Variants in RBFOX1 observed in about 807,000 individuals in gnomAD.
The protein encoded by RBFOX1 is RNA binding fox-1 homolog 1.
RBFOX1 carries 8 observed loss-of-function variants against 57.7 expected under a neutral mutation model. The ratio of observed to expected loss-of-function variants is 0.14; its 90% CI spans 0.08 to 0.25. The LOEUF (loss-of-function observed/expected upper bound fraction) is 0.25. Among genes scored for constraint, RBFOX1 ranks in the 10% least tolerant of loss-of-function variants. The pLI, the probability that RBFOX1 is intolerant of heterozygous loss-of-function variation, is 1.00. For missense variants in RBFOX1, 611 were observed against 548.5 expected (o/e 1.11, Z -1.14); for synonymous variants, 326 against 222.4 (o/e 1.47, Z -4.15).
intron 1 of RBFOX1, among the ~76,000 whole-genome samples, chr16:6,289,035 T>C (rs2077185158): frequency 6.6e-6 from 1 of 152,124 alleles, no homozygotes; most frequent in Admixed American, 6.6e-5. Flanking sequence ...CAGAATGAGC[T>C]TTTATCATTT....
At chr16:6,694,216 C>T (rs2060683247) in intron 3 of RBFOX1, among the ~76,000 whole-genome samples, 1 of 152,148 alleles carries the variant, frequency 6.6e-6, no homozygotes, top group African/African-American at 2.4e-5. Flanking sequence ...TGCATATTGT[C>T]AGTATTCCAC....
At chr16:5,776,556 C>T (rs925562900) in intron 3 of RBFOX1, among the ~76,000 whole-genome samples, 1 of 152,326 alleles carries the variant, frequency 6.6e-6, no homozygotes, top group South Asian at 2.1e-4. Context: ...GTCTGCACCA[C>T]GTACTGTGCT....
At chr16:6,960,463 C>G (rs1419125425) in intron 3 of RBFOX1, among the ~76,000 whole-genome samples, 4 of 152,158 alleles carry the variant, frequency 2.6e-5, no homozygotes, top group Non-Finnish European at 2.9e-5. Flanking sequence ...TCTCCCAGTT[C>G]TCGTGTATGT....
At chr16:6,769,451 C>G (rs576708065) in intron 3 of RBFOX1, among the ~76,000 whole-genome samples, 2 of 152,228 alleles carry the variant, frequency 1.3e-5, no homozygotes, top group African/African-American at 4.8e-5. Context: ...TACATCTCCA[C>G]TGCAACATTC....
Position 6,844,149 on chromosome 16 carries a change from C to G in RBFOX1, c.-16+189499C>G, listed in dbSNP as rs2093637379. On this transcript the variant is annotated intron_variant, in intron 3 of 15. Coordinates refer to ENST00000550418, the MANE Select transcript of RBFOX1 (RefSeq NM_018723.4). ...GCTTTTCTCTCTCTCCATCATTACC[C>G]CTACAGGCCAGTCCCCTTATAGCTT... Among the ~76,000 whole-genome samples the G allele has an allele frequency of 2.6e-5, 4 of 151,142 alleles. No individual in the cohort carries two copies. In the South Asian group the frequency reaches 8.4e-4, roughly 32 times the overall value.
At chr16:6,563,768 G>C (rs2097216452) in intron 2 of RBFOX1, among the ~76,000 whole-genome samples, 1 of 152,092 alleles carries the variant, frequency 6.6e-6, no homozygotes, top group African/African-American at 2.4e-5. Context: ...GGAGGTTGCA[G>C]TGAGCTGAGA....
chr16:6,690,465 T>A (rs2081049164), intron 3 of RBFOX1, among the ~76,000 whole-genome samples: 1 of 152,036 alleles, frequency 6.6e-6, no homozygotes, highest in African/African-American at 2.4e-5. Flanking sequence ...CTACTATAGT[T>A]TAACATTAAA....
At chr16:7,315,089 C>G (rs974247342) in intron 4 of RBFOX1, among the ~76,000 whole-genome samples, 1 of 47,712 alleles carries the variant, frequency 2.1e-5, no homozygotes. Flanking sequence ...CAGAGAAAAG[C>G]TCTTTTTTTT....
At chr16:6,866,725 G>T (rs1468588975) in intron 3 of RBFOX1, among the ~76,000 whole-genome samples, 1 of 151,536 alleles carries the variant, frequency 6.6e-6, no homozygotes, top group Non-Finnish European at 1.5e-5. Context: ...TGTATTTTTA[G>T]TAGAGAAGGG....
At chr16:5,577,384 C>T (rs1216781557) in intron 2 of RBFOX1, among the ~76,000 whole-genome samples, 1 of 152,066 alleles carries the variant, frequency 6.6e-6, no homozygotes, top group Non-Finnish European at 1.5e-5. Context: ...ACCTCCTCAC[C>T]TCAACATTTT....
intron 14 of RBFOX1, among the ~76,000 whole-genome samples, chr16:7,695,216 A>T (rs891576807): frequency 4.6e-5 from 7 of 152,042 alleles, no homozygotes; most frequent in Non-Finnish European, 7.4e-5. Context: ...TTCCGTTTGA[A>T]CTCTGAATTT....
In RBFOX1 at chr16:5,246,893, A is replaced by C. The variant is rs9932032; in HGVS notation, c.219+6788A>C. On this transcript the variant is annotated intron_variant, in intron 1 of 2. Coordinates refer to the RBFOX1 transcript ENST00000585867. ...GCTATGTTATGCAGGCTGGTCCTGA[A>C]CTCCTGGGCTCAAGCAATCTGCCGG... Among the ~76,000 whole-genome samples, 85 of 151,674 alleles carry C rather than the reference A, an allele frequency of 5.6e-4. 1 individual carries two copies. Among genetic ancestry groups the C allele is most frequent in the African/African-American group, 1.9e-3 (79 of 41,370 alleles).
intron 3 of RBFOX1, among the ~76,000 whole-genome samples, chr16:6,756,879 G>A (rs2154195534): frequency 6.6e-6 from 1 of 152,198 alleles, no homozygotes; most frequent in South Asian, 2.1e-4. Context: ...GGAGGCTGAG[G>A]CAGGAGAATT....
At chr16:6,377,221 C>T (rs1469179251) in intron 2 of RBFOX1, among the ~76,000 whole-genome samples, 1 of 149,560 alleles carries the variant, frequency 6.7e-6, no homozygotes, top group South Asian at 2.1e-4. Flanking sequence ...TTGCAGTGAG[C>T]CAAGGTCATG....
chr16:7,467,037 A>G (rs117225182), intron 4 of RBFOX1, among the ~76,000 whole-genome samples: 1,842 of 152,312 alleles, frequency 0.012, 30 homozygotes, highest in Non-Finnish European at 0.02. Flanking sequence ...TCTTATCTCT[A>G]TGTAGCTTCA....
intron 2 of RBFOX1, among the ~76,000 whole-genome samples, chr16:6,498,716 G>A (rs1009126390): frequency 1.3e-5 from 2 of 152,188 alleles, no homozygotes; most frequent in African/African-American, 4.8e-5. Flanking sequence ...TATTTACAAT[G>A]TATTAAGTCC....
chr16:5,831,806 G>A (rs2056285588), intron 3 of RBFOX1, among the ~76,000 whole-genome samples: 1 of 152,076 alleles, frequency 6.6e-6, no homozygotes, highest in Admixed American at 6.5e-5. Flanking sequence ...GCCTAATACT[G>A]TCTTCACTAT....
rs11861823 is a variant in RBFOX1, at chr16:6,817,750, G to C, written c.-16+163100G>C. Among the ~76,000 whole-genome samples, 1,483 of 151,974 alleles carry C rather than the reference G, an allele frequency of 9.8e-3. 32 individuals are homozygous for C. Among genetic ancestry groups the C allele is most frequent in the African/African-American group, 0.034 (1,403 of 41,466 alleles). On this transcript the variant is annotated intron_variant, in intron 3 of 15. Coordinates refer to ENST00000550418, the MANE Select transcript of RBFOX1 (RefSeq NM_018723.4). ...AAAAACTACCAACAGTCTACATGAAGGTTGTGTGTGTTAAGTACATCTGTT... is the reference window on the plus strand; with the variant it reads ...AAAAACTACCAACAGTCTACATGAACGTTGTGTGTGTTAAGTACATCTGTT...
intron 2 of RBFOX1, among the ~76,000 whole-genome samples, chr16:6,575,612 C>G (rs1388961870): frequency 6.6e-6 from 1 of 152,006 alleles, no homozygotes; most frequent in East Asian, 1.9e-4. Flanking sequence ...AATCCCAGCA[C>G]TTTGGGAGGC....
Sources: gnomAD v4.1 joint callset for allele counts (sites outside exome capture counted in the v4.1 genomes callset) on GRCh38, gnomAD v4.1.1 for gene constraint, MANE v1.5 for transcripts, NCBI Gene and HGNC (gene_info 2026-07-23, HGNC 2026-07-21) for gene names.